LRRC43: variants seen among roughly 807,000 people sequenced by gnomAD.
The protein encoded by LRRC43 is leucine-rich repeat-containing protein 43.
LRRC43 carries 62 observed loss-of-function variants against 64.3 expected under a neutral mutation model. The ratio of observed to expected loss-of-function variants is 0.96; its 90% CI spans 0.79 to 1.19. LRRC43 has a LOEUF of 1.19. Among genes scored for constraint, LRRC43 ranks in the 50% most tolerant of loss-of-function variants. The probability of loss-of-function intolerance (pLI) is 0.00; values close to 1 mark genes in which losing one functional copy is unlikely to be tolerated. For missense variants in LRRC43, 868 were observed against 845.0 expected (o/e 1.03, Z -0.34); for synonymous variants, 422 against 382.3 (o/e 1.10, Z -1.21).
intron 7 of LRRC43, among the ~76,000 whole-genome samples, chr12:122,196,792 C>T (rs532340826): frequency 8.6e-5 from 13 of 151,870 alleles, no homozygotes; most frequent in Non-Finnish European, 1.8e-4. Flanking sequence ...TATTTGGGCA[C>T]TTACCTTTTC....
chr12:122,186,257 G>T lies in LRRC43; in HGVS notation c.479G>T (p.Arg160Leu). ...KLEELVLSAN[R>L]IKEVDATNLP... The stretch of plus-strand genomic sequence containing the variant: ...GAGGAGTTGGTACTGAGCGCCAATC[G>T]AATCAAGGAGGTGGATGCCACCAAT... Residue 160 changes from arginine (R) to leucine (L), a missense_variant, in exon 3 of 12, where the codon CGA becomes CTA. Physicochemically the swap from Arg to Leu is moderately radical, Grantham distance 102. Transcript: ENST00000339777. 2 of 1,605,710 alleles carry T rather than the reference G, an allele frequency of 1.2e-6. No individual in the cohort carries two copies. Among genetic ancestry groups the T allele is most frequent in the East Asian group, 2.2e-5 (1 of 44,632 alleles).
At chr12:122,189,407 T>C (rs1435214438) in intron 4 of LRRC43, 2 of 456,608 alleles carry the variant, frequency 4.4e-6, no homozygotes, top group Admixed American at 4.7e-5. Context: ...TCTTCTGCTC[T>C]TAGGGGAAGA....
chr12:122,201,220 TG>T, intron 10 of LRRC43, 75 bp from the exon 11 acceptor site: 2 of 1,505,146 alleles, frequency 1.3e-6, no homozygotes, highest in Non-Finnish European at 1.8e-6. Context: ...TTGGAGGAGG[TG>T]GGGCCCCAGA....
rs780015160 is a variant in LRRC43, at chr12:122,200,788, C to T, written c.1663C>T (p.Leu555Phe). 6.2e-7 allele frequency: 1 copy of T among 1,612,944 alleles called. No homozygotes were observed. Among genetic ancestry groups the T allele is most frequent in the Non-Finnish European group, 8.5e-7 (1 of 1,180,034 alleles). Residue 555 changes from leucine (L) to phenylalanine (F), a missense_variant, in exon 10 of 12, where the codon CTC becomes TTC. Leu to Phe is a conservative substitution (Grantham distance 22, BLOSUM62 0). Coordinates refer to ENST00000339777, the MANE Select transcript of LRRC43 (RefSeq NM_001098519.2). The surrounding 1 kb of genome is among the most constrained non-coding windows in gnomAD (Gnocchi z 4.6). The stretch of plus-strand genomic sequence containing the variant: ...GAAGAAGAAAGAGCCGCCCAAGGAG[C>T]TCCGGCAGGACCCCCCCATCCTCCA... ...LKKKKEPPKE[L>F]RQDPPILQVL...
intron 3 of LRRC43, among the ~76,000 whole-genome samples, chr12:122,187,125 G>A (rs973307964): frequency 1.3e-5 from 2 of 151,768 alleles, no homozygotes; most frequent in Non-Finnish European, 2.9e-5. Context: ...CAGCTACTCA[G>A]GAGGCTGAGG....
At chr12:122,193,669 A>G (rs1038901803) in intron 7 of LRRC43, among the ~76,000 whole-genome samples, 6 of 152,106 alleles carry the variant, frequency 3.9e-5, no homozygotes, top group African/African-American at 1.2e-4. Flanking sequence ...GATTCAAGCA[A>G]TTCTTGTGCC....
At chr12:122,190,794 T>G (rs1953708945) in intron 5 of LRRC43, among the ~76,000 whole-genome samples, 1 of 147,240 alleles carries the variant, frequency 6.8e-6, no homozygotes, top group African/African-American at 2.5e-5. Flanking sequence ...ACCCGGGAGG[T>G]GGAGGCTGCA....
rs80158104 is a variant in LRRC43, at chr12:122,200,653, C to G, written c.1613C>G (p.Pro538Arg). 3.1e-6 allele frequency: 5 copies of G among 1,613,816 alleles called. No individual in the cohort carries two copies. Among genetic ancestry groups the G allele is most frequent in the African/African-American group, 1.3e-5 (1 of 74,920 alleles). The change falls in exon 9 of 12, where the codon CCG (proline) becomes CGG (arginine). Residue 538 changes from proline (P) to arginine (R), a missense_variant. Transcript: ENST00000339777. The surrounding 1 kb of genome is among the most constrained non-coding windows in gnomAD (Gnocchi z 4.6). ...KDRTGKGEKE[P>R]AKEWKVLKKK... ...AGGACGGGGAAAGGAGAGAAAGAGC[C>G]GGCCAAGGTACCGGGCCTTGGTGCT...
chr12:122,174,307 A>G (rs1487641289), intron 1 of LRRC43: 7 of 1,001,054 alleles, frequency 7.0e-6, no homozygotes, highest in Non-Finnish European at 7.6e-6. Flanking sequence ...AAAACCATTT[A>G]CTCAGCTTTT....
At chr12:122,201,722 G>A (rs993247919) in intron 11 of LRRC43, among the ~76,000 whole-genome samples, 1 of 152,194 alleles carries the variant, frequency 6.6e-6, no homozygotes, top group Non-Finnish European at 1.5e-5. Context: ...TCAGGTTTGA[G>A]GTTCAGAAAG....
At position 122,191,431 on chromosome 12, in the gene LRRC43, G is replaced by A; in HGVS notation, c.953G>A (p.Gly318Glu). Residue 318 changes from glycine to glutamate, a missense_variant, in exon 6 of 12, where the codon GGA (glycine) becomes GAA (glutamate). Transcript: ENST00000339777. ...GTGGTGACCATCGGAAACATCAGAG[G>A]AGTCCTGGACACCTCTGTCTTAGAC... ...QFVVTIGNIR[G>E]VLDTSVLDPE... 1.9e-6 allele frequency: 3 copies of A among 1,613,944 alleles called. No homozygotes were observed. The highest frequency in any genetic ancestry group is 2.5e-6 in the Non-Finnish European group (3 of 1,179,950).
chr12:122,184,697 A>G lies in LRRC43; in HGVS notation c.329A>G (p.Glu110Gly), dbSNP rs926958702. ...NSNAEDSFLRELAIRNPLTIT... is the reference protein window; with the variant it reads ...NSNAEDSFLRGLAIRNPLTIT... ...AATGCAGAAGACAGTTTCCTGAGAG[A>G]ATTGGCCATCCGGAACCCGCTGACG... Residue 110 changes from glutamate to glycine, a missense_variant, in exon 2 of 12, where the codon GAA becomes GGA. Glu to Gly is a moderately conservative substitution (Grantham distance 98). Transcript: ENST00000339777. This position sits in a 1 kb window ranked among gnomAD's most constrained non-coding sequence, Gnocchi z 4.0. The G allele has an allele frequency of 2.5e-6, 4 of 1,613,792 alleles. No individual in the cohort carries two copies. In the African/African-American group the frequency reaches 4.0e-5, roughly 16 times the overall value.
intron 7 of LRRC43, 93 bp downstream of exon 7, chr12:122,193,097 C>T: frequency 7.1e-7 from 1 of 1,402,940 alleles, no homozygotes; most frequent in South Asian, 1.3e-5. Context: ...AGTCCTGAGG[C>T]TGGCGGGGCG....
intron 1 of LRRC43, among the ~76,000 whole-genome samples, chr12:122,176,052 C>T (rs955875752): frequency 6.6e-6 from 1 of 152,194 alleles, no homozygotes; most frequent in Non-Finnish European, 1.5e-5. Flanking sequence ...AGTTCCTGCC[C>T]TTGTGGGCCC....
chr12:122,191,323 T>G, intron 5 of LRRC43, 57 bp from the exon 6 acceptor site: 4 of 1,490,808 alleles, frequency 2.7e-6, no homozygotes, highest in Non-Finnish European at 3.6e-6. Flanking sequence ...CCTCTTGCTT[T>G]CTATCTGCCA....
intron 1 of LRRC43, among the ~76,000 whole-genome samples, chr12:122,174,350 C>T (rs1367927745): frequency 2.6e-5 from 4 of 152,206 alleles, no homozygotes; most frequent in East Asian, 1.9e-4. Context: ...CTACTGGCCA[C>T]GGCTGAGTGA....
chr12:122,192,292 A>G (rs1305889818), intron 6 of LRRC43, among the ~76,000 whole-genome samples: 2 of 152,102 alleles, frequency 1.3e-5, no homozygotes, highest in African/African-American at 4.8e-5. Context: ...TCGCGCCACC[A>G]TACCTGGCTC....
In LRRC43 at chr12:122,184,752, C is replaced by T. The variant is rs1339612547; in HGVS notation, c.384C>T (p.Phe128=). Residue 128 remains phenylalanine (F), a synonymous_variant, in exon 2 of 12, where the codon TTC becomes TTT. Transcript: ENST00000339777. This position sits in a 1 kb window ranked among gnomAD's most constrained non-coding sequence, Gnocchi z 4.0. ...CAGACACCTTCTTCTACTCCTACTT[C>T]CGGTCCCTGCGGGTAATAGACAAGA... is the stretch of plus-strand genomic sequence containing the variant. ...TITDTFFYSY[F]RSLRVIDKKV... is the part of the protein sequence containing the mutation. 3.1e-6 allele frequency: 5 copies of T among 1,608,958 alleles called. No individual in the cohort carries two copies. Among genetic ancestry groups the T allele is most frequent in the Middle Eastern group, 1.7e-4 (1 of 6,050 alleles).
chr12:122,194,831 A>G (rs144736398), intron 7 of LRRC43, among the ~76,000 whole-genome samples: 1 of 152,122 alleles, frequency 6.6e-6, no homozygotes, highest in East Asian at 1.9e-4. Flanking sequence ...TCATGTTGTT[A>G]TGGTCAAATA....
Sources: allele counts gnomAD v4.1 joint callset (sites outside exome capture counted in the v4.1 genomes callset), GRCh38; gene constraint gnomAD v4.1.1; non-coding constraint Gnocchi (gnomAD v3.1); transcripts MANE v1.5; gene names NCBI Gene and HGNC (gene_info 2026-07-23, HGNC 2026-07-21).